VPS8: variants seen among roughly 807,000 people sequenced by gnomAD.
The protein encoded by VPS8 is vacuolar protein sorting-associated protein 8 homolog.
A neutral mutation model predicts 216.4 loss-of-function variants in VPS8; 129 were observed. The observed-to-expected ratio is 0.60, with a 90% CI of 0.52 to 0.69. VPS8 has a LOEUF of 0.69. Ranked by LOEUF, VPS8 falls within the 30% of genes least tolerant of loss-of-function variation. The probability of loss-of-function intolerance (pLI) is 0.00; values close to 1 mark genes in which losing one functional copy is unlikely to be tolerated. For synonymous variants in VPS8, 571 were observed against 565.4 expected, an observed-to-expected ratio of 1.01 and a Z score of -0.14; for missense variants, 1,531 against 1,683.5, an observed-to-expected ratio of 0.91 and a Z score of 1.59.
intron 8 of VPS8, among the ~76,000 whole-genome samples, chr3:184,847,892 TG>T (rs1723437541): frequency 6.6e-6 from 1 of 152,194 alleles, no homozygotes; most frequent in Non-Finnish European, 1.5e-5. Context: ...TTGAATTGCT[TG>T]CTTTTAGCAT....
chr3:184,880,228 TG>T (rs1326709483), intron 21 of VPS8, among the ~76,000 whole-genome samples: 1 of 152,140 alleles, frequency 6.6e-6, no homozygotes, highest in Non-Finnish European at 1.5e-5. Context: ...ACCAGGATAT[TG>T]ATATTGATAA....
At chr3:184,882,448 A>C (rs1211831464) in intron 21 of VPS8, 1 of 440,244 alleles carries the variant, frequency 2.3e-6, no homozygotes, top group African/African-American at 2.0e-5. Context: ...AATTCTTTTT[A>C]TGTAATTGTG....
intron 25 of VPS8, among the ~76,000 whole-genome samples, chr3:184,913,129 A>G (rs1341395506): frequency 1.3e-5 from 2 of 152,236 alleles, no homozygotes; most frequent in East Asian, 3.8e-4. Flanking sequence ...AGAGCACGGT[A>G]GGTGGTAAAA....
intron 37 of VPS8, among the ~76,000 whole-genome samples, chr3:184,963,672 T>C (rs955672975): frequency 4.6e-5 from 7 of 152,094 alleles, no homozygotes; most frequent in Non-Finnish European, 8.8e-5. Flanking sequence ...ATAGAAGCAG[T>C]GACAGTATGA....
At chr3:184,859,671 A>G (rs1725910590) in intron 14 of VPS8, among the ~76,000 whole-genome samples, 1 of 152,068 alleles carries the variant, frequency 6.6e-6, no homozygotes, top group Non-Finnish European at 1.5e-5. Context: ...TCCTTTTTGT[A>G]CTTTAATTAT....
intron 36 of VPS8, among the ~76,000 whole-genome samples, chr3:184,950,596 A>G (rs1250372320): frequency 6.6e-6 from 1 of 151,934 alleles, no homozygotes; most frequent in East Asian, 1.9e-4. Context: ...TTATTTTTTA[A>G]TTTTTATTTT....
chr3:184,938,093 A>C (rs1450926478), intron 35 of VPS8, among the ~76,000 whole-genome samples: 1 of 152,216 alleles, frequency 6.6e-6, no homozygotes, highest in Non-Finnish European at 1.5e-5. Context: ...TAGGCAAAAG[A>C]TGGAGAGGAC....
At chr3:184,954,716 T>C (rs1206060760) in intron 36 of VPS8, among the ~76,000 whole-genome samples, 1 of 152,168 alleles carries the variant, frequency 6.6e-6, no homozygotes, top group Non-Finnish European at 1.5e-5. Context: ...TTTTCAGCCC[T>C]CTATTCTTCG....
At position 184,894,508 on chromosome 3, in the gene VPS8, G is replaced by GTATATATA. The variant is rs756172890; in HGVS notation, c.1782-178_1782-171dup. 4.3e-3 allele frequency among the ~76,000 whole-genome samples: 576 copies of GTATATATA among 133,090 alleles called. 11 individuals are homozygous for GTATATATA. Among genetic ancestry groups the GTATATATA allele is most frequent in the Middle Eastern group, 0.02 (5 of 244 alleles). 87.3% of individuals were successfully genotyped at this position (133,090 alleles called of 152,430 possible). A position where few individuals can be genotyped will look rare whatever the true frequency, so the allele number is the denominator to read the frequency against. ...TTTATATATATGTATATATACACAC[G>GTATATATA]TATATATATATATATATATATATAC... On this transcript the variant is annotated intron_variant, in intron 22 of 47. Transcript: ENST00000625842.
chr3:184,850,162 C>A (rs1723981576), intron 10 of VPS8, 140 bp downstream of exon 10: 4 of 664,408 alleles, frequency 6.0e-6, no homozygotes, highest in Non-Finnish European at 9.9e-6. Flanking sequence ...TAAATAGAAT[C>A]CTCAACATTG....
intron 34 of VPS8, 73 bp from the exon 35 acceptor site, chr3:184,936,173 C>A: frequency 7.7e-7 from 1 of 1,302,720 alleles, no homozygotes; most frequent in Non-Finnish European, 1.1e-6. Flanking sequence ...GGTAGGTAAT[C>A]GTGCCTCACA....
At position 184,824,773 on chromosome 3, in the gene VPS8, C is replaced by A. The variant is rs1181016240; in HGVS notation, c.141C>A (p.Phe47Leu). 1.2e-6 allele frequency: 2 copies of A among 1,608,598 alleles called. No homozygotes were observed. The highest frequency in any genetic ancestry group is 1.7e-5 in the Admixed American group (1 of 58,992). Residue 47 changes from phenylalanine to leucine, a missense_variant, in exon 2 of 48, where the codon TTC becomes TTA. Around this residue, in one of 3 missense-constraint regions of VPS8, gnomAD observed 199 missense variants for 182.2 expected, o/e 1.09. Transcript: ENST00000625842. ...SYIDMDKELEFKNDLIDDKEF... is the reference protein window; with the variant it reads ...SYIDMDKELELKNDLIDDKEF... ...TAGATATGGACAAGGAACTGGAGTT[C>A]AAAAATGATCTGGTAAAAATTTCAA...
chr3:185,023,793 T>C (rs551746513), intron 45 of VPS8, among the ~76,000 whole-genome samples: 2 of 152,384 alleles, frequency 1.3e-5, no homozygotes, highest in African/African-American at 4.8e-5. Context: ...CAGGTCTTTT[T>C]CATTTATCTA....
intron 42 of VPS8, among the ~76,000 whole-genome samples, chr3:184,992,712 T>A (rs1325839934): frequency 6.6e-6 from 1 of 152,178 alleles, no homozygotes; most frequent in African/African-American, 2.4e-5. Flanking sequence ...TTATGTCATA[T>A]ATAACTTGAT....
chr3:184,879,405 C>G (rs989021971), intron 21 of VPS8, among the ~76,000 whole-genome samples: 1 of 151,952 alleles, frequency 6.6e-6, no homozygotes, highest in Non-Finnish European at 1.5e-5. Context: ...TTTCTTGCAT[C>G]CTGCAAGCTT....
chr3:185,021,604 G>A (rs1362382930), intron 45 of VPS8, among the ~76,000 whole-genome samples: 1 of 152,176 alleles, frequency 6.6e-6, no homozygotes, highest in East Asian at 1.9e-4. Flanking sequence ...GTGAATTCCA[G>A]CGTATTAATG....
intron 46 of VPS8, among the ~76,000 whole-genome samples, chr3:185,037,622 A>G (rs1309885358): frequency 6.6e-6 from 1 of 152,034 alleles, no homozygotes; most frequent in Non-Finnish European, 1.5e-5. Context: ...ATAACTCCAC[A>G]TTTCTCTGAG....
chr3:184,833,499 A>T (rs549839459), intron 4 of VPS8, among the ~76,000 whole-genome samples: 1 of 152,254 alleles, frequency 6.6e-6, no homozygotes, highest in African/African-American at 2.4e-5. Flanking sequence ...TAACCTGTTC[A>T]ACAATGTGTC....
At chr3:184,860,138 AC>A in intron 15 of VPS8, 73 bp downstream of exon 15, 1 of 1,246,482 alleles carries the variant, frequency 8.0e-7, no homozygotes, top group Non-Finnish European at 1.1e-6. Flanking sequence ...TATTAAAGCT[AC>A]CAGGATTTCT....
Sources: gnomAD v4.1 joint callset for allele counts (sites outside exome capture counted in the v4.1 genomes callset) on GRCh38, gnomAD v4.1.1 for gene constraint, gnomAD v4.1.1 regional missense constraint, MANE v1.5 for transcripts, NCBI Gene and HGNC (gene_info 2026-07-23, HGNC 2026-07-21) for gene names.